Variants in KCNJ3 observed in about 807,000 individuals in gnomAD.
KCNJ3 encodes the protein potassium inwardly rectifying channel subfamily J member 3.
A neutral mutation model predicts 39.2 loss-of-function variants in KCNJ3; 4 were observed. That is an observed-to-expected ratio of 0.10 (90% confidence interval 0.05 to 0.23). The LOEUF (loss-of-function observed/expected upper bound fraction) is 0.23, where lower values mean the gene tolerates loss of function less well. Ranked by LOEUF, KCNJ3 falls within the 10% of genes least tolerant of loss-of-function variation. The pLI, the probability that KCNJ3 is intolerant of heterozygous loss-of-function variation, is 1.00. For synonymous variants in KCNJ3, 230 were observed against 237.4 expected, an observed-to-expected ratio of 0.97 and a Z score of 0.29; for missense variants, 276 against 634.9, an observed-to-expected ratio of 0.43 and a Z score of 6.08.
At chr2:154,752,665 T>G (rs1235198145) in intron 2 of KCNJ3, among the ~76,000 whole-genome samples, 1 of 152,040 alleles carries the variant, frequency 6.6e-6, no homozygotes, top group Non-Finnish European at 1.5e-5. Context: ...TTCTCAAATA[T>G]TTACAATTTG....
chr2:154,839,331 T>A (rs1335167995), intron 2 of KCNJ3, among the ~76,000 whole-genome samples: 1 of 152,250 alleles, frequency 6.6e-6, no homozygotes, highest in Non-Finnish European at 1.5e-5. Flanking sequence ...ATCCAGTCTA[T>A]CATTGATGGA....
chr2:154,844,512 A>C (rs1687633675), intron 2 of KCNJ3, among the ~76,000 whole-genome samples: 1 of 152,208 alleles, frequency 6.6e-6, no homozygotes, highest in Non-Finnish European at 1.5e-5. Flanking sequence ...AAATCTGCAG[A>C]AGTTGTCTGC....
chr2:154,829,332 C>G (rs893808329), intron 2 of KCNJ3, among the ~76,000 whole-genome samples: 4 of 152,102 alleles, frequency 2.6e-5, no homozygotes, highest in African/African-American at 9.7e-5. Context: ...TCTTTATTTT[C>G]ATATGTACTC....
intron 2 of KCNJ3, among the ~76,000 whole-genome samples, chr2:154,712,928 G>C (rs1050963426): frequency 6.6e-6 from 1 of 152,084 alleles, no homozygotes; most frequent in Non-Finnish European, 1.5e-5. Context: ...GGTCCAGTCT[G>C]GGGGAAGAGC....
intron 2 of KCNJ3, among the ~76,000 whole-genome samples, chr2:154,721,273 G>T (rs1685260014): frequency 6.6e-6 from 1 of 152,050 alleles, no homozygotes; most frequent in African/African-American, 2.4e-5. Flanking sequence ...GGTAGGCTTT[G>T]TTCTTGAACT....
chr2:154,794,517 T>C (rs1686686981), intron 2 of KCNJ3, among the ~76,000 whole-genome samples: 1 of 151,978 alleles, frequency 6.6e-6, no homozygotes, highest in South Asian at 2.1e-4. Context: ...CAGCATGCAA[T>C]ATGTTGCAGT....
At chr2:154,712,526 A>G (rs994318543) in intron 2 of KCNJ3, among the ~76,000 whole-genome samples, 3 of 152,194 alleles carry the variant, frequency 2.0e-5, no homozygotes, top group Non-Finnish European at 4.4e-5. Flanking sequence ...CATGTATTAG[A>G]TAAGTATGTA....
chr2:154,789,973 G>A (rs1382002311), intron 2 of KCNJ3, among the ~76,000 whole-genome samples: 1 of 152,008 alleles, frequency 6.6e-6, no homozygotes, highest in Non-Finnish European at 1.5e-5. Context: ...AATGCTTGAG[G>A]ATTTCACAGA....
intron 2 of KCNJ3, among the ~76,000 whole-genome samples, chr2:154,756,664 G>A (rs1039967418): frequency 2.0e-5 from 3 of 151,890 alleles, no homozygotes; most frequent in African/African-American, 4.8e-5. Flanking sequence ...TAATGCAGAC[G>A]ACAGGTTGAT....
rs79567990 is a variant in KCNJ3, at chr2:154,789,273, G to A, written c.920-65454G>A. Among the ~76,000 whole-genome samples the A allele has an allele frequency of 2.3e-3, 345 of 152,114 alleles. 4 individuals carry two copies. In the East Asian group the frequency reaches 0.047, roughly 21 times the overall value. On this transcript the variant is annotated intron_variant, in intron 2 of 2. Transcript: ENST00000295101. Reference sequence around the variant, plus strand: ...GTAAAGTAAAGAAGACAGTGGTCATGGGGGAAATTAAACTATCTCCTTGTT... The same window carrying A: ...GTAAAGTAAAGAAGACAGTGGTCATAGGGGAAATTAAACTATCTCCTTGTT...
intron 2 of KCNJ3, among the ~76,000 whole-genome samples, chr2:154,777,756 G>T (rs530354777): frequency 6.6e-6 from 1 of 151,838 alleles, no homozygotes; most frequent in African/African-American, 2.4e-5. Flanking sequence ...AATGTTTTTC[G>T]CATAAACCTA....
chr2:154,721,319 T>C (rs973869361), intron 2 of KCNJ3, among the ~76,000 whole-genome samples: 4 of 152,168 alleles, frequency 2.6e-5, no homozygotes, highest in African/African-American at 7.2e-5. Flanking sequence ...ACTGATCTAT[T>C]GGTTTTAATT....
chr2:154,731,275 G>A (rs1006198958), intron 2 of KCNJ3, among the ~76,000 whole-genome samples: 5 of 152,098 alleles, frequency 3.3e-5, no homozygotes, highest in African/African-American at 9.7e-5. Context: ...AAGAGGTGGA[G>A]TTGCCGTATC....
At chr2:154,769,998 T>G (rs923983276) in intron 2 of KCNJ3, among the ~76,000 whole-genome samples, 1 of 152,198 alleles carries the variant, frequency 6.6e-6, no homozygotes. Context: ...ACATTTTAAA[T>G]AAGATGATTA....
At chr2:154,816,604 T>A (rs1159373748) in intron 2 of KCNJ3, among the ~76,000 whole-genome samples, 2 of 152,168 alleles carry the variant, frequency 1.3e-5, no homozygotes, top group Non-Finnish European at 2.9e-5. Flanking sequence ...ATATGGTGTT[T>A]AATACATACA....
At chr2:154,751,408 C>G (rs890248036) in intron 2 of KCNJ3, among the ~76,000 whole-genome samples, 7 of 151,898 alleles carry the variant, frequency 4.6e-5, no homozygotes, top group African/African-American at 1.7e-4. Flanking sequence ...TACTTTATTT[C>G]ATAATTTGCC....
chr2:154,857,825 G>A lies in KCNJ3; in HGVS notation c.*2512G>A, dbSNP rs1450168458. On this transcript the variant is annotated 3_prime_UTR_variant, in exon 3 of 3. Coordinates refer to ENST00000295101, the MANE Select transcript of KCNJ3 (RefSeq NM_002239.4). ...GAACCTGGGAGGCGGAGGTTGCAGT[G>A]AGCCAAGATTCTGCCACTGCACTCC... is the stretch of plus-strand genomic sequence containing the variant. 7.2e-6 allele frequency: 1 copy of A among 139,042 alleles called. No homozygotes were observed. The highest frequency in any genetic ancestry group is 2.7e-5 in the African/African-American group (1 of 36,596). 8.6% of individuals were successfully genotyped at this position (139,042 alleles called of 1,614,324 possible). A position where few individuals can be genotyped will look rare whatever the true frequency, so the allele number is the denominator to read the frequency against.
At chr2:154,844,505 T>C (rs1376804710) in intron 2 of KCNJ3, among the ~76,000 whole-genome samples, 1 of 152,230 alleles carries the variant, frequency 6.6e-6, no homozygotes, top group African/African-American at 2.4e-5. Flanking sequence ...GACGTTTAAA[T>C]CTGCAGAAGT....
Position 154,855,255 on chromosome 2 carries a change from G to T in KCNJ3, c.1448G>T (p.Arg483Met). Residue 483 changes from arginine to methionine, a missense_variant, in exon 3 of 3, where the codon AGG (arginine) becomes ATG (methionine). Physicochemically the swap from Arg to Met is moderately conservative, Grantham distance 91. Coordinates refer to ENST00000295101, the MANE Select transcript of KCNJ3 (RefSeq NM_002239.4). The part of the protein sequence containing the change: ...KLQKMAGGAA[R>M]MEGNLPAKLR... ...CAAAAGATGGCTGGAGGAGCAGCTA[G>T]GATGGAAGGGAACCTTCCAGCCAAA... is the stretch of plus-strand genomic sequence containing the variant. 1 of 1,613,374 alleles carries T rather than the reference G, an allele frequency of 6.2e-7. No individual in the cohort carries two copies. Among genetic ancestry groups the T allele is most frequent in the Non-Finnish European group, 8.5e-7 (1 of 1,179,806 alleles).
Sources: allele counts gnomAD v4.1 joint callset (sites outside exome capture counted in the v4.1 genomes callset), GRCh38; gene constraint gnomAD v4.1.1; transcripts MANE v1.5; gene names NCBI Gene and HGNC (gene_info 2026-07-23, HGNC 2026-07-21).